The following AHR variants were observed in gnomAD, a reference collection of about 807,000 sequenced individuals.
The protein encoded by AHR is aryl hydrocarbon receptor, also known as AH-receptor.
A neutral mutation model predicts 86.8 loss-of-function variants in AHR; 40 were observed. The ratio of observed to expected loss-of-function variants is 0.46; its 90% CI spans 0.36 to 0.60. AHR has a LOEUF of 0.60. Ranked by LOEUF, AHR falls within the 20% of genes least tolerant of loss-of-function variation. The pLI, the probability that AHR is intolerant of heterozygous loss-of-function variation, is 0.00. For missense variants in AHR, 1,001 were observed against 1,011.6 expected (o/e 0.99, Z 0.14); for synonymous variants, 398 against 354.9 (o/e 1.12, Z -1.37).
intron 6 of AHR, among the ~76,000 whole-genome samples, chr7:17,331,431 C>T (rs1334723500): frequency 6.6e-6 from 1 of 151,902 alleles, no homozygotes; most frequent in Non-Finnish European, 1.5e-5. Context: ...TCTTCTATAA[C>T]TCAGAAAACT....
At position 17,334,260 on chromosome 7, in the gene AHR, CA is replaced by C. The variant is rs1584040709; in HGVS notation, c.908+147del. On this transcript the variant is annotated intron_variant, in intron 7 of 10. Transcript: ENST00000242057. ...TACATTCTTCCAGTGTAGCCTTTTACAGTAAAATAATTTAATCAGGCTCACA... is the reference window on the plus strand; with the variant it reads ...TACATTCTTCCAGTGTAGCCTTTTACGTAAAATAATTTAATCAGGCTCACA... 3.8e-5 allele frequency: 27 copies of C among 716,052 alleles called. No homozygotes were observed. In the East Asian group the frequency reaches 7.1e-4, roughly 19 times the overall value. The allele number at this position is 716,052 out of a possible 1,614,324, so 44.4% of individuals were successfully genotyped here.
intron 2 of AHR, 122 bp from the exon 3 acceptor site, chr7:17,322,379 A>G (rs1182952529): frequency 4.6e-6 from 3 of 651,852 alleles, no homozygotes; most frequent in African/African-American, 1.8e-5. Flanking sequence ...TTAGCCAAAT[A>G]CTAAAAATAC....
At chr7:17,299,506 CG>C in intron 1 of AHR, 177 bp downstream of exon 1, 2 of 713,768 alleles carry the variant, frequency 2.8e-6, no homozygotes, top group Non-Finnish European at 4.5e-6. Context: ...TGGATTCTCC[CG>C]TTTTCAATGA....
Position 17,339,568 on chromosome 7 carries a change from C to T in AHR, c.1743C>T (p.Ile581=), listed in dbSNP as rs948870602. The change falls in exon 10 of 11, where the codon ATC becomes ATT. Residue 581 remains isoleucine, a synonymous_variant. Coordinates refer to ENST00000242057, the MANE Select transcript of AHR (RefSeq NM_001621.5). ...GAGACATTGACTTAACGGATGAAAT[C>T]CTGACGTATGTCCAAGATTCTTTAA... ...DFRDIDLTDE[I]LTYVQDSLSK... 3 of 1,614,148 alleles carry T rather than the reference C, an allele frequency of 1.9e-6. No homozygotes were observed. The highest frequency in any genetic ancestry group is 1.6e-4 in the Middle Eastern group (1 of 6,062).
chr7:17,314,033 T>C (rs1486330487), intron 2 of AHR, among the ~76,000 whole-genome samples: 1 of 152,172 alleles, frequency 6.6e-6, no homozygotes, highest in African/African-American at 2.4e-5. Context: ...TACTATTTTT[T>C]GAAATGCCCA....
At chr7:17,317,387 C>G (rs1298701261) in intron 2 of AHR, among the ~76,000 whole-genome samples, 2 of 151,994 alleles carry the variant, frequency 1.3e-5, no homozygotes, top group African/African-American at 4.8e-5. Context: ...GCATTGTATG[C>G]TACTTGCTTT....
rs775338539 is a variant in AHR at position 17,339,144 on chromosome 7, C to A, written c.1319C>A (p.Ser440Tyr). ...AAAAATGGCACTAGTGGAAAAGACT[C>A]TGCTACCACATCCACTCTAAGCAAG... ...RTKNGTSGKD[S>Y]ATTSTLSKDS... is the part of the protein sequence containing the mutation. Residue 440 changes from serine (S) to tyrosine (Y), a missense_variant, in exon 10 of 11, where the codon TCT (serine) becomes TAT (tyrosine). Transcript: ENST00000242057. 46 of 1,614,068 alleles carry A rather than the reference C, an allele frequency of 2.8e-5. No homozygotes were observed. The Admixed American group carries it at 7.7e-4, about 27-fold the overall frequency.
rs1392090928 is a variant in AHR at position 17,298,920 on chromosome 7, C to T, written c.-345C>T. 2.3e-6 allele frequency: 1 copy of T among 431,106 alleles called. No homozygotes were observed. The highest frequency in any genetic ancestry group is 7.2e-5 in the South Asian group (1 of 13,864). The allele number at this position is 431,106 out of a possible 1,614,324, so 26.7% of individuals were successfully genotyped here. On this transcript the variant is annotated 5_prime_UTR_variant, in exon 1 of 11. Coordinates refer to ENST00000242057, the MANE Select transcript of AHR (RefSeq NM_001621.5). ...AGGCCAGGATTCTAAATAGACGGCC[C>T]AGGCTCCTCCTCCGCCCGGGCCGCC...
chr7:17,324,815 AT>A (rs950328977), intron 3 of AHR, among the ~76,000 whole-genome samples: 5 of 151,062 alleles, frequency 3.3e-5, no homozygotes, highest in East Asian at 3.9e-4. Flanking sequence ...AAAAAAAAAA[AT>A]TTATTAAAAG....
intron 1 of AHR, among the ~76,000 whole-genome samples, chr7:17,307,589 G>T: frequency 6.6e-6 from 1 of 152,148 alleles, no homozygotes; most frequent in Non-Finnish European, 1.5e-5. Flanking sequence ...AGCCAGAGGG[G>T]TAAATGAAGC....
Position 17,298,884 on chromosome 7 carries a change from G to A in AHR, c.-381G>A. ...GACGGTCACGGGGCGCGGCGCCACC[G>A]TGAGCGACCCAGGCCAGGATTCTAA... is the stretch of plus-strand genomic sequence containing the variant. On this transcript the variant is annotated 5_prime_UTR_variant, in exon 1 of 11. The change creates a new upstream start codon in the 5' untranslated region. Coordinates refer to ENST00000242057, the MANE Select transcript of AHR (RefSeq NM_001621.5). 1 of 398,732 alleles carries A rather than the reference G, an allele frequency of 2.5e-6. No homozygotes were observed. Among genetic ancestry groups the A allele is most frequent in the Non-Finnish European group, 4.4e-6 (1 of 226,134 alleles). The allele number at this position is 398,732 out of a possible 1,614,324, so 24.7% of individuals were successfully genotyped here. A position where few individuals can be genotyped will look rare whatever the true frequency, so the allele number is the denominator to read the frequency against.
intron 2 of AHR, among the ~76,000 whole-genome samples, chr7:17,310,824 C>G (rs943104251): frequency 1.9e-4 from 29 of 152,208 alleles, no homozygotes; most frequent in African/African-American, 7.0e-4. Context: ...GCATGAGCCA[C>G]TGCGCCTGGC....
intron 2 of AHR, among the ~76,000 whole-genome samples, chr7:17,313,378 G>A (rs1193349349): frequency 6.6e-6 from 1 of 152,128 alleles, no homozygotes; most frequent in Non-Finnish European, 1.5e-5. Context: ...TGAATAACAG[G>A]ATGCAAACAG....
At chr7:17,300,869 A>C (rs367785180) in intron 1 of AHR, among the ~76,000 whole-genome samples, 5 of 152,032 alleles carry the variant, frequency 3.3e-5, no homozygotes, top group Non-Finnish European at 7.4e-5. Context: ...AAACATGAAG[A>C]TCTCCCTGAT....
intron 3 of AHR, among the ~76,000 whole-genome samples, chr7:17,324,540 C>T (rs1265159147): frequency 4.6e-5 from 7 of 152,152 alleles, no homozygotes; most frequent in Middle Eastern, 3.2e-3. Context: ...CGGTGGCTCA[C>T]GCCTGTGATC....
intron 4 of AHR, among the ~76,000 whole-genome samples, chr7:17,328,556 T>A (rs1782252462): frequency 6.6e-6 from 1 of 151,988 alleles, no homozygotes; most frequent in South Asian, 2.1e-4. Flanking sequence ...TGCACAAGAA[T>A]CACCTGAAGA....
intron 1 of AHR, among the ~76,000 whole-genome samples, chr7:17,309,726 C>A (rs555477358): frequency 6.6e-6 from 1 of 152,214 alleles, no homozygotes; most frequent in South Asian, 2.1e-4. Context: ...AGTTCATAAG[C>A]TTTTTAATGA....
At chr7:17,299,394 A>G in intron 1 of AHR, 65 bp downstream of exon 1, 1 of 1,556,080 alleles carries the variant, frequency 6.4e-7, no homozygotes, top group Non-Finnish European at 8.8e-7. Flanking sequence ...TGCGGGAGGC[A>G]GCCCCACCCC....
intron 2 of AHR, among the ~76,000 whole-genome samples, chr7:17,311,436 A>G (rs958779218): frequency 2.0e-5 from 3 of 152,178 alleles, no homozygotes; most frequent in African/African-American, 7.2e-5. Context: ...CAACACGTTT[A>G]TGGATATTTG....
Sources: gnomAD v4.1 joint callset for allele counts (sites outside exome capture counted in the v4.1 genomes callset) on GRCh38, gnomAD v4.1.1 for gene constraint, MANE v1.5 for transcripts, NCBI Gene and HGNC (gene_info 2026-07-23, HGNC 2026-07-21) for gene names.